SEC23A: variants seen among roughly 807,000 people sequenced by gnomAD.
The protein encoded by SEC23A is protein transport protein Sec23A.
Under a neutral mutation model 103.7 loss-of-function variants are expected in SEC23A, and 56 were observed. The observed-to-expected ratio is 0.54, with a 90% CI of 0.44 to 0.67. The LOEUF (loss-of-function observed/expected upper bound fraction) is 0.67. Ranked by LOEUF, SEC23A falls within the 30% of genes least tolerant of loss-of-function variation. The pLI is 0.00. For missense variants in SEC23A, 784 were observed against 936.4 expected, an observed-to-expected ratio of 0.84 and a Z score of 2.12; for synonymous variants, 281 against 293.0, an observed-to-expected ratio of 0.96 and a Z score of 0.42.
chr14:39,088,532 G>A (rs981168645), intron 5 of SEC23A: 3 of 151,738 alleles, frequency 2.0e-5, no homozygotes, highest in Non-Finnish European at 4.4e-5. Flanking sequence ...AGAAGTTCAA[G>A]ACCAACCTTG....
intron 16 of SEC23A, among the ~76,000 whole-genome samples, chr14:39,044,056 T>C (rs1190450641): frequency 6.6e-6 from 1 of 152,156 alleles, no homozygotes; most frequent in Non-Finnish European, 1.5e-5. Context: ...TGACTGTTGT[T>C]ATGGTTTCTA....
Position 39,040,892 on chromosome 14 carries a change from T to G in SEC23A, c.1987-5A>C, listed in dbSNP as rs1885614966. ...CTTCCGCCACTGTGCTATGGTCTAA[T>G]TTTAAAACAATTAAAGAAATTACTT... On this transcript the variant is annotated splice_region_variant and splice_polypyrimidine_tract_variant and intron_variant, in intron 17 of 19. Coordinates refer to ENST00000307712, the MANE Select transcript of SEC23A (RefSeq NM_006364.4). The G allele has an allele frequency of 6.2e-7, 1 of 1,610,248 alleles. No homozygotes were observed. The highest frequency in any genetic ancestry group is 8.5e-7 in the Non-Finnish European group (1 of 1,178,262).
intron 18 of SEC23A, chr14:39,040,513 A>T: frequency 1.7e-6 from 1 of 590,592 alleles, no homozygotes; most frequent in South Asian, 1.9e-5. Flanking sequence ...CTAGAGACAG[A>T]AGATGATGGA....
At chr14:39,100,988 C>T (rs1474799980) in intron 1 of SEC23A, among the ~76,000 whole-genome samples, 3 of 151,776 alleles carry the variant, frequency 2.0e-5, no homozygotes, top group South Asian at 2.1e-4. Flanking sequence ...GGATTACAGG[C>T]GTGAGCTACT....
At chr14:39,049,561 G>C (rs1174461303) in intron 14 of SEC23A, among the ~76,000 whole-genome samples, 2 of 151,680 alleles carry the variant, frequency 1.3e-5, no homozygotes, top group African/African-American at 2.4e-5. Context: ...AGGATCACTT[G>C]AGCCCAGGAG....
chr14:39,077,727 C>T (rs1392822023), intron 7 of SEC23A, among the ~76,000 whole-genome samples: 4 of 151,838 alleles, frequency 2.6e-5, no homozygotes, highest in Non-Finnish European at 4.4e-5. Context: ...GCCAGGAGTT[C>T]GAGACTAGCC....
chr14:39,042,465 G>C (rs891811341), intron 17 of SEC23A, among the ~76,000 whole-genome samples: 1 of 152,144 alleles, frequency 6.6e-6, no homozygotes, highest in African/African-American at 2.4e-5. Context: ...CACTGACAAA[G>C]GCTGACTTTT....
At chr14:39,055,350 T>C in intron 13 of SEC23A, 54 bp from the exon 14 acceptor site, 1 of 1,551,000 alleles carries the variant, frequency 6.4e-7, no homozygotes, top group South Asian at 1.1e-5. Context: ...ACCCACAATA[T>C]CATAGTTGGC....
rs775835099 is a variant in SEC23A, at chr14:39,075,923, A to G, written c.987+12T>C. 4 of 1,612,448 alleles carry G rather than the reference A, an allele frequency of 2.5e-6. No homozygotes were observed. The highest frequency in any genetic ancestry group is 1.3e-5 in the African/African-American group (1 of 74,892). ...TTCTAATAAGGCAAAAATATTTAAC[A>G]GTCAAAATTACCTTAGTTCCCTTTT... On this transcript the variant is annotated intron_variant, in intron 8 of 19. Coordinates refer to ENST00000307712, the MANE Select transcript of SEC23A (RefSeq NM_006364.4).
intron 7 of SEC23A, among the ~76,000 whole-genome samples, chr14:39,081,872 C>T (rs1242734742): frequency 6.6e-6 from 1 of 152,094 alleles, no homozygotes; most frequent in East Asian, 1.9e-4. Flanking sequence ...TATGCACATA[C>T]ATCTTCTTCT....
At chr14:39,087,731 T>C (rs1594479136) in intron 5 of SEC23A, 1 of 152,276 alleles carries the variant, frequency 6.6e-6, no homozygotes, top group Non-Finnish European at 1.5e-5. Context: ...AGTCTAAAGA[T>C]GTACAAAGAT....
chr14:39,035,165 T>C (rs1885418871), intron 19 of SEC23A, among the ~76,000 whole-genome samples: 1 of 152,156 alleles, frequency 6.6e-6, no homozygotes, highest in Admixed American at 6.5e-5. Context: ...AAATATAGGA[T>C]TACTAGTATC....
intron 15 of SEC23A, among the ~76,000 whole-genome samples, chr14:39,047,022 T>C (rs754927173): frequency 1.5e-4 from 23 of 152,262 alleles, no homozygotes; most frequent in Non-Finnish European, 2.9e-4. Context: ...ACTACTTCAG[T>C]CATTCTTGTT....
chr14:39,096,182 T>C, intron 1 of SEC23A, 43 bp from the exon 2 acceptor site: 1 of 1,270,256 alleles, frequency 7.9e-7, no homozygotes, highest in Non-Finnish European at 1.1e-6. Flanking sequence ...AGGATCCTCT[T>C]AAGAACGTTC....
At chr14:39,067,453 T>C (rs1028369611) in intron 9 of SEC23A, among the ~76,000 whole-genome samples, 157 bp from the exon 10 acceptor site, 2 of 152,232 alleles carry the variant, frequency 1.3e-5, no homozygotes, top group African/African-American at 4.8e-5. Context: ...CAAATATATA[T>C]GAGAATATCC....
At chr14:39,068,436 T>C (rs1886744573) in intron 9 of SEC23A, among the ~76,000 whole-genome samples, 1 of 152,186 alleles carries the variant, frequency 6.6e-6, no homozygotes, top group Admixed American at 6.5e-5. Flanking sequence ...ACAAAATATA[T>C]TCACAAGGTT....
At chr14:39,065,085 T>C (rs1594457826) in intron 10 of SEC23A, 92 bp from the exon 11 acceptor site, 1 of 830,500 alleles carries the variant, frequency 1.2e-6, no homozygotes, top group Non-Finnish European at 2.1e-6. Context: ...TATTCATCTA[T>C]ATTTAAAACT....
chr14:39,054,245 A>G (rs1466110731), intron 14 of SEC23A, among the ~76,000 whole-genome samples: 1 of 151,930 alleles, frequency 6.6e-6, no homozygotes, highest in South Asian at 2.1e-4. Context: ...ATTGAACTCC[A>G]GCCTGGGTGA....
At chr14:39,050,327 T>C (rs1171510376) in intron 14 of SEC23A, among the ~76,000 whole-genome samples, 1 of 152,208 alleles carries the variant, frequency 6.6e-6, no homozygotes, top group African/African-American at 2.4e-5. Context: ...TCAGTAATTA[T>C]TTATGCATAA....
Sources: gnomAD v4.1 joint callset for allele counts (sites outside exome capture counted in the v4.1 genomes callset) on GRCh38, gnomAD v4.1.1 for gene constraint, MANE v1.5 for transcripts, NCBI Gene and HGNC (gene_info 2026-07-23, HGNC 2026-07-21) for gene names.